The following PLXDC1 variants were observed in gnomAD, a reference collection of about 807,000 sequenced individuals.
PLXDC1 encodes the protein plexin domain-containing protein 1.
PLXDC1 carries 39 observed loss-of-function variants against 61.3 expected under a neutral mutation model. The observed-to-expected ratio is 0.64, with a 90% confidence interval of 0.49 to 0.83. The LOEUF is 0.83. PLXDC1 is among the 40% of genes least tolerant of loss of function. The probability of loss-of-function intolerance (pLI) is 0.00; values close to 1 mark genes in which losing one functional copy is unlikely to be tolerated. For synonymous variants in PLXDC1, 212 were observed against 254.5 expected (o/e 0.83, Z 1.59); for missense variants, 596 against 666.5 (o/e 0.89, Z 1.17).
rs141143259 is a variant in PLXDC1, at chr17:39,077,522, T to C, written c.1186+391A>G. Among the ~76,000 whole-genome samples, 515 of 152,308 alleles carry C rather than the reference T, an allele frequency of 3.4e-3. 1 individual carries two copies. Among genetic ancestry groups the C allele is most frequent in the African/African-American group, 0.012 (489 of 41,556 alleles). ...AGCCTTTCTCTCACGCCTGAGTGTA[T>C]GGACTGAGTTCATACCTGCTACAGG... On this transcript the variant is annotated intron_variant, in intron 11 of 13. Coordinates refer to ENST00000315392, the MANE Select transcript of PLXDC1 (RefSeq NM_020405.5).
At chr17:39,146,408 GGC>G (rs2045342606) in intron 1 of PLXDC1, among the ~76,000 whole-genome samples, 1 of 151,912 alleles carries the variant, frequency 6.6e-6, no homozygotes, top group African/African-American at 2.4e-5. Context: ...CAGGTGCAGT[GGC>G]TCATGCCTAT....
At chr17:39,076,092 A>AG (rs1909323408) in intron 11 of PLXDC1, among the ~76,000 whole-genome samples, 1 of 92,732 alleles carries the variant, frequency 1.1e-5, no homozygotes, top group African/African-American at 3.2e-5. Flanking sequence ...AAAAAAAAAG[A>AG]AAAAAAAAAA....
chr17:39,115,101 G>T (rs549716124), intron 2 of PLXDC1, among the ~76,000 whole-genome samples: 1 of 152,358 alleles, frequency 6.6e-6, no homozygotes, highest in South Asian at 2.1e-4. Flanking sequence ...CTGTTCTGCA[G>T]AGAAACCAGG....
chr17:39,069,792 G>C (rs142200407), intron 13 of PLXDC1, 64 bp downstream of exon 13: 1 of 1,312,290 alleles, frequency 7.6e-7, no homozygotes, highest in Non-Finnish European at 1.1e-6. Flanking sequence ...GGCAGGGACC[G>C]AATGGCCCAG....
chr17:39,075,455 G>A (rs1026873083), intron 11 of PLXDC1, among the ~76,000 whole-genome samples: 1 of 152,228 alleles, frequency 6.6e-6, no homozygotes, highest in Admixed American at 6.5e-5. Flanking sequence ...AAGAGAGGCA[G>A]TGGGGTTGAG....
chr17:39,122,027 G>A (rs1911174208), intron 2 of PLXDC1, among the ~76,000 whole-genome samples: 1 of 149,472 alleles, frequency 6.7e-6, no homozygotes. Flanking sequence ...AACCCAGGAG[G>A]TGGAGGTTGT....
At chr17:39,097,493 A>G (rs1910249278) in intron 7 of PLXDC1, among the ~76,000 whole-genome samples, 1 of 152,044 alleles carries the variant, frequency 6.6e-6, no homozygotes, top group African/African-American at 2.4e-5. Flanking sequence ...TCTCCCCAGG[A>G]GCAGAGGCTG....
chr17:39,084,999 A>G (rs1351394298), intron 8 of PLXDC1, among the ~76,000 whole-genome samples: 1 of 152,258 alleles, frequency 6.6e-6, no homozygotes, highest in African/African-American at 2.4e-5. Flanking sequence ...AGAAGGGCTT[A>G]TCTTATAAGC....
At chr17:39,137,023 G>A (rs1380477137) in intron 2 of PLXDC1, among the ~76,000 whole-genome samples, 2 of 152,324 alleles carry the variant, frequency 1.3e-5, no homozygotes, top group East Asian at 1.9e-4. Flanking sequence ...ACTGACAAAT[G>A]TAAGTCTCTT....
At chr17:39,079,759 C>G (rs1909483373) in intron 9 of PLXDC1, 2 of 349,428 alleles carry the variant, frequency 5.7e-6, no homozygotes. Context: ...AGAATGTTCT[C>G]CATGCATCAT....
chr17:39,116,735 A>G (rs913550584), intron 2 of PLXDC1, among the ~76,000 whole-genome samples: 15 of 152,210 alleles, frequency 9.9e-5, no homozygotes, highest in African/African-American at 3.6e-4. Flanking sequence ...AGCGTCTGAG[A>G]GCCTGGCAGC....
intron 9 of PLXDC1, chr17:39,080,497 T>A (rs962923882): frequency 6.6e-6 from 1 of 152,052 alleles, no homozygotes; most frequent in African/African-American, 2.4e-5. Context: ...GGAGAAAAGC[T>A]CTGGGAGGCT....
intron 3 of PLXDC1, 83 bp from the exon 4 acceptor site, chr17:39,109,056 A>G: frequency 7.6e-7 from 1 of 1,312,472 alleles, no homozygotes; most frequent in Non-Finnish European, 1.1e-6. Flanking sequence ...GCTTGTTTGG[A>G]CAGAGTGGGG....
At position 39,109,382 on chromosome 17, in the gene PLXDC1, G is replaced by C. The variant is rs779947234; in HGVS notation, c.265C>G (p.His89Asp). The C allele has an allele frequency of 6.3e-7, 1 of 1,593,122 alleles. No homozygotes were observed. Among genetic ancestry groups the C allele is most frequent in the African/African-American group, 1.3e-5 (1 of 74,836 alleles). The change falls in exon 3 of 14, where the codon CAC (histidine) becomes GAC (aspartate). Residue 89 changes from histidine (H) to aspartate (D), a missense_variant. Physicochemically the swap from His to Asp is moderately conservative, Grantham distance 81. Transcript: ENST00000315392. Reference protein sequence around the residue: ...DNRTRVVEDNHSYYVSRLYGP... With the variant: ...DNRTRVVEDNDSYYVSRLYGP... ...TAGAGACGGGACACATAATAGCTGT[G>C]GTTGTCCTCCTGCCGGCACCCAAGA...
chr17:39,083,637 C>T (rs1181297881), intron 8 of PLXDC1, 97 bp from the exon 9 acceptor site: 2 of 942,728 alleles, frequency 2.1e-6, no homozygotes, highest in Non-Finnish European at 3.4e-6. Context: ...AACTATGGAG[C>T]CCCTGACTTT....
chr17:39,101,338 C>A (rs553904011), intron 7 of PLXDC1, among the ~76,000 whole-genome samples: 7 of 152,270 alleles, frequency 4.6e-5, no homozygotes, highest in Admixed American at 3.3e-4. Flanking sequence ...TGACAGACAC[C>A]CTGCCCGGCT....
intron 7 of PLXDC1, among the ~76,000 whole-genome samples, chr17:39,091,310 G>A (rs1031606309): frequency 3.9e-5 from 5 of 127,812 alleles, no homozygotes; most frequent in Admixed American, 2.6e-4. Context: ...CCATCTCCCC[G>A]CAACACACAC....
chr17:39,126,328 A>C (rs58201933), intron 2 of PLXDC1, among the ~76,000 whole-genome samples: 1 of 152,250 alleles, frequency 6.6e-6, no homozygotes, highest in East Asian at 1.9e-4. Flanking sequence ...CTCACTCAAC[A>C]TTGTTGATGG....
chr17:39,152,608 C>T, upstream of PLXDC1: 1 of 1,250,562 alleles, frequency 8.0e-7, no homozygotes, highest in Non-Finnish European at 1.0e-6. Flanking sequence ...GAGGGGGCAT[C>T]CTGGCTTCTA....
Sources: gnomAD v4.1 joint callset for allele counts (sites outside exome capture counted in the v4.1 genomes callset) on GRCh38, gnomAD v4.1.1 for gene constraint, MANE v1.5 for transcripts, NCBI Gene and HGNC (gene_info 2026-07-23, HGNC 2026-07-21) for gene names.